The following FUT9 variants were observed in gnomAD, a reference collection of about 807,000 sequenced individuals.
FUT9 encodes the protein fucosyltransferase 9.
A neutral mutation model predicts 29.7 loss-of-function variants in FUT9; 15 were observed. The ratio of observed to expected loss-of-function variants is 0.51; its 90% CI spans 0.34 to 0.78. FUT9 has a LOEUF of 0.78. FUT9 is among the 30% of genes least tolerant of loss of function. The probability of loss-of-function intolerance (pLI) is 0.01; values close to 1 mark genes in which losing one functional copy is unlikely to be tolerated. For synonymous variants in FUT9, 169 were observed against 153.7 expected, an observed-to-expected ratio of 1.10 and a Z score of -0.74; for missense variants, 319 against 425.4, an observed-to-expected ratio of 0.75 and a Z score of 2.20.
chr6:96,110,122 G>A (rs1562128157), intron 1 of FUT9, among the ~76,000 whole-genome samples: 1 of 152,068 alleles, frequency 6.6e-6, no homozygotes, highest in Non-Finnish European at 1.5e-5. Context: ...TCTCTTCAGT[G>A]GGCCTTTCCA....
At chr6:96,107,176 C>T (rs1403407539) in intron 1 of FUT9, among the ~76,000 whole-genome samples, 3 of 152,132 alleles carry the variant, frequency 2.0e-5, no homozygotes. Context: ...AATATGCATC[C>T]ACCGTATTCC....
chr6:96,070,352 C>T (rs1479204537), intron 1 of FUT9, among the ~76,000 whole-genome samples: 1 of 152,016 alleles, frequency 6.6e-6, no homozygotes, highest in Non-Finnish European at 1.5e-5. Flanking sequence ...ATAAATGTCC[C>T]ACAAAATGAG....
intron 2 of FUT9, among the ~76,000 whole-genome samples, chr6:96,149,922 G>A (rs1772644808): frequency 6.6e-6 from 1 of 151,886 alleles, no homozygotes; most frequent in Non-Finnish European, 1.5e-5. Context: ...ACCCTATTGT[G>A]CCACCAAACA....
In FUT9 at chr6:96,204,024, A is replaced by C. The variant is rs1183983834; in HGVS notation, c.869A>C (p.Glu290Ala). The change falls in exon 3 of 3, where the codon GAA becomes GCA. Residue 290 changes from glutamate to alanine, a missense_variant. Physicochemically the swap from Glu to Ala is moderately radical, Grantham distance 107. Coordinates refer to ENST00000302103, the MANE Select transcript of FUT9 (RefSeq NM_006581.4). The part of the protein sequence containing the change: ...YIPADSFIHV[E>A]DYNSPSELAK... ...CCAGCAGATTCATTCATTCATGTGG[A>C]AGATTATAACTCTCCCAGTGAGCTA... 3 of 1,605,946 alleles carry C rather than the reference A, an allele frequency of 1.9e-6. No individual in the cohort carries two copies. The highest frequency in any genetic ancestry group is 2.6e-6 in the Non-Finnish European group (3 of 1,176,418).
intron 1 of FUT9, among the ~76,000 whole-genome samples, chr6:96,111,945 T>C (rs749418915): frequency 6.6e-6 from 1 of 152,232 alleles, no homozygotes; most frequent in African/African-American, 2.4e-5. Context: ...ATTGTGTTTG[T>C]GGTTTTACTC....
At chr6:96,157,113 T>C (rs958695905) in intron 2 of FUT9, among the ~76,000 whole-genome samples, 1 of 152,206 alleles carries the variant, frequency 6.6e-6, no homozygotes, top group African/African-American at 2.4e-5. Context: ...GAGAAAGACA[T>C]GAAACTATGA....
chr6:96,120,327 G>A (rs562323756), intron 2 of FUT9, among the ~76,000 whole-genome samples: 1 of 135,916 alleles, frequency 7.4e-6, no homozygotes, highest in Non-Finnish European at 1.5e-5. Context: ...CTGGAGTGCA[G>A]TGGTGCGATC....
chr6:96,025,267 A>C (rs1770144908), intron 1 of FUT9, among the ~76,000 whole-genome samples: 1 of 151,744 alleles, frequency 6.6e-6, no homozygotes, highest in Admixed American at 6.6e-5. Flanking sequence ...TCCAGTCTGG[A>C]ATTCTCAGAC....
intron 2 of FUT9, among the ~76,000 whole-genome samples, chr6:96,157,047 T>C (rs1390229317): frequency 6.6e-6 from 1 of 152,228 alleles, no homozygotes; most frequent in Non-Finnish European, 1.5e-5. Context: ...TAAAGTGCAA[T>C]GCTTTTGCCT....
chr6:96,069,546 G>A (rs9404184), intron 1 of FUT9, among the ~76,000 whole-genome samples: 84,345 of 151,764 alleles, frequency 0.56, 23,555 homozygotes, highest in South Asian at 0.64. Flanking sequence ...ATTCAGAGAA[G>A]TGAATAATTT....
intron 2 of FUT9, among the ~76,000 whole-genome samples, chr6:96,200,811 C>G (rs1773714207): frequency 6.6e-6 from 1 of 152,030 alleles, no homozygotes; most frequent in African/African-American, 2.4e-5. Flanking sequence ...TCTGTAAGTT[C>G]TGGAGTCTAG....
At chr6:96,124,138 CT>C (rs1462084564) in intron 2 of FUT9, among the ~76,000 whole-genome samples, 1 of 144,164 alleles carries the variant, frequency 6.9e-6, no homozygotes, top group East Asian at 2.2e-4. Context: ...GGCTGCTTTT[CT>C]TTTTTTCTTT....
intron 1 of FUT9, among the ~76,000 whole-genome samples, chr6:96,072,226 T>C (rs1771075055): frequency 6.6e-6 from 1 of 152,212 alleles, no homozygotes; most frequent in Non-Finnish European, 1.5e-5. Flanking sequence ...CAATTGACTA[T>C]AAATCCCAGA....
intron 1 of FUT9, among the ~76,000 whole-genome samples, chr6:96,091,946 A>C (rs1024201552): frequency 6.6e-6 from 1 of 152,136 alleles, no homozygotes; most frequent in Admixed American, 6.6e-5. Context: ...TTGAAACTCT[A>C]TTAGATCAGG....
chr6:96,192,898 G>T (rs12212932), intron 2 of FUT9, among the ~76,000 whole-genome samples: 138,086 of 151,360 alleles, frequency 0.91, 64,333 homozygotes, highest in Non-Finnish European at 1. Context: ...AAATAATGCT[G>T]CATATCTACA....
intron 2 of FUT9, among the ~76,000 whole-genome samples, chr6:96,172,644 G>A (rs1285049001): frequency 7.8e-6 from 1 of 127,504 alleles, no homozygotes; most frequent in Non-Finnish European, 1.8e-5. Flanking sequence ...AGGAAAGGAA[G>A]CCCGTTATTG....
chr6:96,127,269 C>T (rs1031276106), intron 2 of FUT9, among the ~76,000 whole-genome samples: 14 of 152,152 alleles, frequency 9.2e-5, no homozygotes, highest in African/African-American at 3.1e-4. Flanking sequence ...TTAGCTCCCA[C>T]TTATAAGTAA....
At chr6:96,097,360 A>T (rs993650884) in intron 1 of FUT9, among the ~76,000 whole-genome samples, 1 of 152,152 alleles carries the variant, frequency 6.6e-6, no homozygotes, top group Non-Finnish European at 1.5e-5. Context: ...TTTTTGCGAC[A>T]TATGTAGGTA....
intron 2 of FUT9, among the ~76,000 whole-genome samples, chr6:96,184,328 AT>A (rs1237794782): frequency 1.3e-5 from 2 of 150,976 alleles, no homozygotes; most frequent in African/African-American, 4.9e-5. Flanking sequence ...GCTCATTTGG[AT>A]TTTTCTTTCT....
Sources: gnomAD v4.1 joint callset for allele counts (sites outside exome capture counted in the v4.1 genomes callset) on GRCh38, gnomAD v4.1.1 for gene constraint, MANE v1.5 for transcripts, NCBI Gene and HGNC (gene_info 2026-07-23, HGNC 2026-07-21) for gene names.